Variants in ATCAY observed in about 807,000 individuals in gnomAD.
The protein encoded by ATCAY is ATCAY kinesin light chain interacting caytaxin, also known as caytaxin.
Under a neutral mutation model 47.7 loss-of-function variants are expected in ATCAY, and 22 were observed. The ratio of observed to expected loss-of-function variants is 0.46; its 90% CI spans 0.33 to 0.66. The LOEUF (loss-of-function observed/expected upper bound fraction) is 0.66, where lower values mean the gene tolerates loss of function less well. Among genes scored for constraint, ATCAY ranks in the 30% least tolerant of loss-of-function variants. ATCAY has a pLI of 0.02. For synonymous variants in ATCAY, 216 were observed against 207.6 expected (o/e 1.04, Z -0.35); for missense variants, 452 against 515.0 (o/e 0.88, Z 1.18).
At chr19:3,885,470 C>T (rs576112925) in intron 1 of ATCAY, among the ~76,000 whole-genome samples, 3 of 151,996 alleles carry the variant, frequency 2.0e-5, no homozygotes, top group African/African-American at 7.2e-5. Context: ...GGGAGAATCG[C>T]TTGAGCCTGG....
At chr19:3,909,373 G>C (rs974756336) in intron 6 of ATCAY, 113 bp from the exon 7 acceptor site, 1 of 1,298,492 alleles carries the variant, frequency 7.7e-7, no homozygotes, top group African/African-American at 1.5e-5. Context: ...ACCTGGACCA[G>C]TGGGGCTGAC....
At chr19:3,917,688 AG>A in intron 9 of ATCAY, 53 bp from the exon 10 acceptor site, 2 of 1,607,788 alleles carry the variant, frequency 1.2e-6, no homozygotes, top group East Asian at 4.5e-5. Flanking sequence ...TTCCCCAAAA[AG>A]TATATCTCAG....
intron 11 of ATCAY, 64 bp from the exon 12 acceptor site, chr19:3,920,702 A>G: frequency 7.1e-7 from 1 of 1,417,974 alleles, no homozygotes; most frequent in Non-Finnish European, 9.4e-7. Flanking sequence ...AAGAAAAAAA[A>G]GGGAAAATGC....
At position 3,908,189 on chromosome 19, in the gene ATCAY, G is replaced by C. The variant is rs2038882625; in HGVS notation, c.545-79G>C. The C allele has an allele frequency of 2.4e-5, 31 of 1,282,088 alleles. No homozygotes were observed. In the South Asian group the frequency reaches 3.9e-4, roughly 16 times the overall value. 79.4% of individuals were successfully genotyped at this position (1,282,088 alleles called of 1,614,324 possible). On this transcript the variant is annotated intron_variant, in intron 5 of 12. Transcript: ENST00000450849. ...GCCCTCCCGAGCGTGTGGGCACCGG[G>C]ACGTGGTGGGTGGTGCGCGGGAGGC...
chr19:3,887,696 C>G (rs561513732), intron 2 of ATCAY, among the ~76,000 whole-genome samples: 1 of 150,406 alleles, frequency 6.6e-6, no homozygotes, highest in African/African-American at 2.4e-5. Flanking sequence ...CCATGTTAGC[C>G]AGGATGGTCT....
chr19:3,918,664 A>G (rs1269428940), intron 10 of ATCAY, 142 bp from the exon 11 acceptor site: 4 of 760,964 alleles, frequency 5.3e-6, no homozygotes, highest in Non-Finnish European at 8.4e-6. Flanking sequence ...TTTCTCAAAT[A>G]GCAAAGGCAG....
chr19:3,905,030 T>C (rs2038848188), intron 3 of ATCAY, among the ~76,000 whole-genome samples: 1 of 152,072 alleles, frequency 6.6e-6, no homozygotes, highest in South Asian at 2.1e-4. Context: ...GGCTAATTTT[T>C]ATATTTTTAG....
Position 3,927,612 on chromosome 19 carries a change from C to A in ATCAY, c.*3020C>A, listed in dbSNP as rs2039078777. On this transcript the variant is annotated 3_prime_UTR_variant, in exon 13 of 13. Coordinates refer to ENST00000450849, the MANE Select transcript of ATCAY (RefSeq NM_033064.5). ...CGTTATGCCGTGGCCCACCCACGCC[C>A]CTTTGGATCACCAGCAGTCACAGAC... The A allele has an allele frequency of 6.6e-6, 1 of 152,342 alleles. No homozygotes were observed. Among genetic ancestry groups the A allele is most frequent in the African/African-American group, 2.4e-5 (1 of 41,472 alleles). 9.4% of individuals were successfully genotyped at this position (152,342 alleles called of 1,614,324 possible). A position where few individuals can be genotyped will look rare whatever the true frequency, so the allele number is the denominator to read the frequency against.
At chr19:3,914,250 A>AAAAAAAAAAAAAAAAAAC in intron 9 of ATCAY, among the ~76,000 whole-genome samples, 1 of 149,682 alleles carries the variant, frequency 6.7e-6, no homozygotes, top group African/African-American at 2.5e-5. Flanking sequence ...AAAAAAAAAA[A>AAAAAAAAAAAAAAAAAAC]GGGCTAACGG....
chr19:3,885,120 A>AAC (rs1391341893), intron 1 of ATCAY, among the ~76,000 whole-genome samples: 3 of 148,934 alleles, frequency 2.0e-5, no homozygotes, highest in East Asian at 3.9e-4. Flanking sequence ...AAAAAAAAAA[A>AAC]AAAAAAAAAA....
chr19:3,919,002 C>A, intron 11 of ATCAY, 125 bp downstream of exon 11: 2 of 1,174,904 alleles, frequency 1.7e-6, no homozygotes, highest in Non-Finnish European at 2.5e-6. Context: ...AAGTGGCCGG[C>A]CATGGTGGCT....
chr19:3,923,046 A>C (rs954240337), intron 12 of ATCAY, among the ~76,000 whole-genome samples: 1 of 152,096 alleles, frequency 6.6e-6, no homozygotes, highest in Admixed American at 6.6e-5. Flanking sequence ...TGCCCAGCTG[A>C]CCACACAGTT....
At chr19:3,906,660 G>A (rs917601216) in intron 4 of ATCAY, among the ~76,000 whole-genome samples, 6 of 152,046 alleles carry the variant, frequency 3.9e-5, no homozygotes, top group African/African-American at 9.7e-5. Context: ...TCTGCAGAAC[G>A]TGGCTTTCAT....
intron 12 of ATCAY, 159 bp downstream of exon 12, chr19:3,920,957 TCGGGAGTGGGGGATACGGCAC>T: frequency 1.2e-6 from 1 of 850,500 alleles, no homozygotes; most frequent in Non-Finnish European, 1.9e-6. Flanking sequence ...CCATGACTTA[TCGGGAGTGGGGGATACGGCAC>T]CGGGAAGGCA....
At chr19:3,899,585 G>A (rs1308871019) in intron 2 of ATCAY, among the ~76,000 whole-genome samples, 1 of 152,130 alleles carries the variant, frequency 6.6e-6, no homozygotes, top group Non-Finnish European at 1.5e-5. Flanking sequence ...TAAGTGCCAG[G>A]ATTACAGGCA....
chr19:3,902,804 T>C (rs2038826735), intron 3 of ATCAY, among the ~76,000 whole-genome samples: 2 of 152,168 alleles, frequency 1.3e-5, no homozygotes, highest in Admixed American at 6.6e-5. Flanking sequence ...CCTCATCTAC[T>C]AAATGTAGGT....
chr19:3,901,961 A>T (rs1248358902), intron 2 of ATCAY, among the ~76,000 whole-genome samples: 3 of 151,938 alleles, frequency 2.0e-5, no homozygotes, highest in Non-Finnish European at 4.4e-5. Context: ...ATGCCACTCT[A>T]CTCCATCCAG....
At chr19:3,881,791 T>C (rs1007861066) in intron 1 of ATCAY, among the ~76,000 whole-genome samples, 1 of 149,222 alleles carries the variant, frequency 6.7e-6, no homozygotes. Context: ...GACCCCTTCC[T>C]CCGGAGAGCA....
Position 3,907,935 on chromosome 19 carries a change from C to G in ATCAY, c.544+16C>G, listed in dbSNP as rs569979809. ...ACCCACGGAGGTGAGACCCGCCCCC[C>G]GGTGCCCCCTTGGGGCTCCAGCCCG... On this transcript the variant is annotated intron_variant, in intron 5 of 12. Coordinates refer to ENST00000450849, the MANE Select transcript of ATCAY (RefSeq NM_033064.5). This position sits in a 1 kb window ranked among gnomAD's most constrained non-coding sequence, Gnocchi z 5.1. 20 of 1,609,148 alleles carry G rather than the reference C, an allele frequency of 1.2e-5. No homozygotes were observed. The East Asian group carries it at 2.7e-4, about 22-fold the overall frequency.
Sources: allele counts gnomAD v4.1 joint callset (sites outside exome capture counted in the v4.1 genomes callset), GRCh38; gene constraint gnomAD v4.1.1; non-coding constraint Gnocchi (gnomAD v3.1); transcripts MANE v1.5; gene names NCBI Gene and HGNC (gene_info 2026-07-23, HGNC 2026-07-21).